The following DNM3 variants were observed in gnomAD, a reference collection of about 807,000 sequenced individuals.
DNM3 encodes dynamin 3.
In DNM3, 47 loss-of-function variants were observed where a neutral mutation model predicts 101.6. That is an observed-to-expected ratio of 0.46 (90% CI 0.37 to 0.59). The LOEUF (loss-of-function observed/expected upper bound fraction) is 0.59. DNM3 is among the 20% of genes least tolerant of loss of function. The pLI is 0.00. For missense variants in DNM3, 849 were observed against 1,085.7 expected (o/e 0.78, Z 3.06); for synonymous variants, 385 against 387.9 (o/e 0.99, Z 0.09).
chr1:172,244,688 T>TA (rs926855261), intron 14 of DNM3, among the ~76,000 whole-genome samples: 33 of 152,016 alleles, frequency 2.2e-4, no homozygotes, highest in African/African-American at 7.0e-4. Context: ...TGGCAATCAT[T>TA]AAAAAGTCAG....
At chr1:172,270,891 C>A (rs894108680) in intron 15 of DNM3, among the ~76,000 whole-genome samples, 1 of 152,144 alleles carries the variant, frequency 6.6e-6, no homozygotes, top group South Asian at 2.1e-4. Flanking sequence ...TTTGACTATT[C>A]AAACAAGTAA....
At chr1:172,226,360 A>G (rs775853785) in intron 14 of DNM3, among the ~76,000 whole-genome samples, 2 of 152,220 alleles carry the variant, frequency 1.3e-5, no homozygotes, top group Non-Finnish European at 2.9e-5. Flanking sequence ...TTTAAAAAAG[A>G]TAGTAGATTA....
chr1:171,897,115 A>C (rs985757642), intron 1 of DNM3, among the ~76,000 whole-genome samples: 1 of 152,168 alleles, frequency 6.6e-6, no homozygotes, highest in Non-Finnish European at 1.5e-5. Flanking sequence ...ACATTGCGTT[A>C]GGGGCAGAAT....
chr1:172,335,745 A>G (rs1044628799), intron 17 of DNM3, among the ~76,000 whole-genome samples: 1 of 152,186 alleles, frequency 6.6e-6, no homozygotes. Context: ...AACACTGAGT[A>G]CACATGGATA....
At chr1:172,301,620 GTAT>G (rs1425382517) in intron 15 of DNM3, among the ~76,000 whole-genome samples, 13 of 152,118 alleles carry the variant, frequency 8.5e-5, no homozygotes, top group Admixed American at 7.2e-4. Context: ...AATTATTTAA[GTAT>G]TATTTATGAT....
intron 14 of DNM3, among the ~76,000 whole-genome samples, chr1:172,205,582 C>T (rs923054413): frequency 6.6e-6 from 1 of 151,926 alleles, no homozygotes; most frequent in Non-Finnish European, 1.5e-5. Context: ...TTTTCCAAAA[C>T]AAAACAAAAT....
At chr1:172,242,717 A>T (rs1275512035) in intron 14 of DNM3, among the ~76,000 whole-genome samples, 1 of 152,224 alleles carries the variant, frequency 6.6e-6, no homozygotes, top group Non-Finnish European at 1.5e-5. Flanking sequence ...AACTGGGATT[A>T]CAGGCATGAG....
In DNM3 at chr1:172,410,343, T is replaced by C. The variant is rs2071135666; in HGVS notation, c.*2502T>C. The C allele has an allele frequency of 1.0e-6, 1 of 985,366 alleles. No homozygotes were observed. 61.0% of individuals were successfully genotyped at this position (985,366 alleles called of 1,614,324 possible). A position where few individuals can be genotyped will look rare whatever the true frequency, so the allele number is the denominator to read the frequency against. On this transcript the variant is annotated 3_prime_UTR_variant, in exon 21 of 21. Coordinates refer to ENST00000627582, the MANE Select transcript of DNM3 (RefSeq NM_015569.5). ...TAGCTTAATGATTTTCTGTTTCCCATACCATTTCTAATCTTTTGTGTAATT... is the reference window on the plus strand; with the variant it reads ...TAGCTTAATGATTTTCTGTTTCCCACACCATTTCTAATCTTTTGTGTAATT...
intron 13 of DNM3, among the ~76,000 whole-genome samples, chr1:172,111,092 T>C (rs1410008841): frequency 1.3e-5 from 2 of 152,216 alleles, no homozygotes; most frequent in East Asian, 3.8e-4. Context: ...CTGAACATAG[T>C]AAATTCTAAT....
Position 172,253,597 on chromosome 1 carries a change from C to A in DNM3, c.1684C>A (p.Pro562Thr), listed in dbSNP as rs752381838. The A allele has an allele frequency of 6.3e-7, 1 of 1,576,136 alleles. No individual in the cohort carries two copies. Among genetic ancestry groups the A allele is most frequent in the Non-Finnish European group, 8.6e-7 (1 of 1,159,844 alleles). ...GGAAAAAGAAAAGAAGTACATGCTT[C>A]CCTTGGACAACCTGAAAGTTCGGGA... ...DEEKEKKYML[P>T]LDNLKVRDVE... Residue 562 changes from proline (P) to threonine (T), a missense_variant, in exon 15 of 21, where the codon CCC (proline) becomes ACC (threonine). By Grantham distance (38) the Pro-to-Thr change is conservative (BLOSUM62 -1). This residue lies in a region of DNM3 where 193 missense variants were observed against 238.4 expected (regional missense o/e 0.81). Transcript: ENST00000627582.
chr1:171,864,306 G>A (rs1280567228), intron 1 of DNM3: 1 of 152,188 alleles, frequency 6.6e-6, no homozygotes, highest in Non-Finnish European at 1.5e-5. Context: ...ACGTTTCCTG[G>A]TTTGGACCTG....
chr1:171,946,103 C>T (rs1441268498), intron 2 of DNM3, among the ~76,000 whole-genome samples: 5 of 152,038 alleles, frequency 3.3e-5, no homozygotes, highest in Non-Finnish European at 1.5e-5. Flanking sequence ...AGACAAGGAC[C>T]ATCATATTCT....
intron 14 of DNM3, among the ~76,000 whole-genome samples, chr1:172,252,143 T>G (rs976709688): frequency 2.0e-5 from 3 of 152,182 alleles, no homozygotes; most frequent in African/African-American, 7.2e-5. Flanking sequence ...TTTATGTTTC[T>G]TCTTTTCTTT....
chr1:171,848,097 G>A lies in DNM3; in HGVS notation c.161+6280G>A, dbSNP rs187215521. On this transcript the variant is annotated intron_variant, in intron 1 of 20. Transcript: ENST00000627582. ...CCAAGGTCAGAAGAAATCAGAGCTA[G>A]GTTTGGAACTTAATGTTAGGAACTG... is the stretch of plus-strand genomic sequence containing the variant. 2.0e-3 allele frequency among the ~76,000 whole-genome samples: 308 copies of A among 152,288 alleles called. 1 individual carries two copies. Among genetic ancestry groups the A allele is most frequent in the African/African-American group, 6.8e-3 (281 of 41,556 alleles).
Position 171,899,319 on chromosome 1 carries a change from CT to C in DNM3, c.162-22425del, listed in dbSNP as rs771988716. 3.9e-5 allele frequency among the ~76,000 whole-genome samples: 6 copies of C among 152,308 alleles called. No individual in the cohort carries two copies. The East Asian group carries it at 9.7e-4, about 25-fold the overall frequency. ...AGGGGAGATTTTTGCTAGTGTGCCACTTTTGGTTTCTTTCAAATGTGGATGT... is the reference window on the plus strand; with the variant it reads ...AGGGGAGATTTTTGCTAGTGTGCCACTTTGGTTTCTTTCAAATGTGGATGT... On this transcript the variant is annotated intron_variant, in intron 1 of 20. Transcript: ENST00000627582.
At chr1:172,406,623 A>AT (rs1453924408) in intron 20 of DNM3, among the ~76,000 whole-genome samples, 2 of 151,898 alleles carry the variant, frequency 1.3e-5, no homozygotes, top group African/African-American at 2.4e-5. Context: ...TCCTGCTTTG[A>AT]TTTTTCCTTG....
chr1:172,358,268 G>A (rs779199443), intron 17 of DNM3, among the ~76,000 whole-genome samples: 12 of 152,152 alleles, frequency 7.9e-5, no homozygotes, highest in South Asian at 6.2e-4. Context: ...GTGTGTGTGC[G>A]TAGGTAAAAA....
Position 172,409,675 on chromosome 1 carries a change from G to C in DNM3, c.*1834G>C, listed in dbSNP as rs1414184284. The C allele has an allele frequency of 1.0e-6, 1 of 985,410 alleles. No individual in the cohort carries two copies. Among genetic ancestry groups the C allele is most frequent in the Non-Finnish European group, 1.2e-6 (1 of 829,676 alleles). The allele number at this position is 985,410 out of a possible 1,614,324, so 61.0% of individuals were successfully genotyped here. ...TTTAAAATAGTGTCTCAGCTAAATG[G>C]AAAACTGTTAAGCAAACATCCATAG... On this transcript the variant is annotated 3_prime_UTR_variant, in exon 21 of 21. Coordinates refer to ENST00000627582, the MANE Select transcript of DNM3 (RefSeq NM_015569.5).
intron 14 of DNM3, among the ~76,000 whole-genome samples, chr1:172,182,796 A>G (rs2059393647): frequency 6.6e-6 from 1 of 152,094 alleles, no homozygotes; most frequent in South Asian, 2.1e-4. Flanking sequence ...TGAATACCCA[A>G]TCTTTTATAC....
Sources: gnomAD v4.1 joint callset for allele counts (sites outside exome capture counted in the v4.1 genomes callset) on GRCh38, gnomAD v4.1.1 for gene constraint, gnomAD v4.1.1 regional missense constraint, MANE v1.5 for transcripts, NCBI Gene and HGNC (gene_info 2026-07-23, HGNC 2026-07-21) for gene names.